KCNC4: variants seen among roughly 807,000 people sequenced by gnomAD.
The protein encoded by KCNC4 is potassium voltage-gated channel subfamily C member 4.
Under a neutral mutation model 42.8 loss-of-function variants are expected in KCNC4, and 23 were observed. The ratio of observed to expected loss-of-function variants is 0.54; its 90% CI spans 0.39 to 0.76. The LOEUF (loss-of-function observed/expected upper bound fraction) is 0.76, where lower values mean the gene tolerates loss of function less well. Among genes scored for constraint, KCNC4 ranks in the 30% least tolerant of loss-of-function variants. The probability of loss-of-function intolerance (pLI) is 0.00; values close to 1 mark genes in which losing one functional copy is unlikely to be tolerated. For synonymous variants in KCNC4, 422 were observed against 393.5 expected (o/e 1.07, Z -0.86); for missense variants, 751 against 898.2 (o/e 0.84, Z 2.10).
At chr1:110,275,734 G>A (rs1443739352) in intron 1 of KCNC4, among the ~76,000 whole-genome samples, 10 of 151,936 alleles carry the variant, frequency 6.6e-5, no homozygotes, top group Admixed American at 6.6e-4. Flanking sequence ...CGAGGCGGGT[G>A]GATCATGAGG....
chr1:110,229,617 G>A (rs929879596), intron 3 of KCNC4, among the ~76,000 whole-genome samples: 7 of 152,174 alleles, frequency 4.6e-5, no homozygotes, highest in African/African-American at 1.4e-4. Flanking sequence ...CAGAACCGGA[G>A]ACTCATCTAA....
chr1:110,220,039 A>G (rs1451950277), intron 1 of KCNC4: 2 of 152,218 alleles, frequency 1.3e-5, no homozygotes, highest in African/African-American at 2.4e-5. Flanking sequence ...CAAGGTTTCA[A>G]CAAAGGAGGA....
At chr1:110,270,176 C>T (rs1182790355) in intron 1 of KCNC4, among the ~76,000 whole-genome samples, 4 of 152,198 alleles carry the variant, frequency 2.6e-5, no homozygotes, top group African/African-American at 7.2e-5. Context: ...TCCTGATCTA[C>T]CTCTGTCCTC....
At position 110,223,347 on chromosome 1, in the gene KCNC4, C is replaced by A. The variant is rs968554569; in HGVS notation, c.1062C>A (p.Ile354=). ...GFLRVVRFVR[I]LRIFKLTRHF... ...TGCGCGTGGTGCGCTTCGTGCGCAT[C>A]CTGCGTATCTTCAAGCTCACACGCC... Residue 354 remains isoleucine (I), a synonymous_variant, in exon 2 of 4, where the codon ATC becomes ATA. Coordinates refer to ENST00000438661, the MANE Select transcript of KCNC4 (RefSeq NM_001039574.3). The surrounding 1 kb of genome is among the most constrained non-coding windows in gnomAD (Gnocchi z 7.5). The A allele has an allele frequency of 3.7e-6, 6 of 1,613,842 alleles. No individual in the cohort carries two copies. The Admixed American group carries it at 6.7e-5, about 18-fold the overall frequency.
chr1:110,231,821 A>C (rs1658708530), intron 3 of KCNC4, among the ~76,000 whole-genome samples: 1 of 143,832 alleles, frequency 7.0e-6, no homozygotes, highest in Admixed American at 7.1e-5. Context: ...TGGCTGGGGC[A>C]TACAGTCTTA....
At chr1:110,266,094 A>G (rs1194623447) in intron 1 of KCNC4, among the ~76,000 whole-genome samples, 4 of 149,874 alleles carry the variant, frequency 2.7e-5, no homozygotes, top group Non-Finnish European at 5.9e-5. Flanking sequence ...AGATGCAGGC[A>G]TTCTTCTGCT....
intron 1 of KCNC4, among the ~76,000 whole-genome samples, chr1:110,279,153 C>T (rs1659778735): frequency 6.6e-6 from 1 of 152,180 alleles, no homozygotes; most frequent in Non-Finnish European, 1.5e-5. Context: ...TGTGCCACTT[C>T]TCTTTCCTGC....
At position 110,233,213 on chromosome 1, in the gene KCNC4, T is replaced by C; in HGVS notation, c.*241T>C. ...ATAGTATCTATATTCATACATATTA[T>C]ACTCTTGTGTGTAGTGCACGTGCTA... On this transcript the variant is annotated 3_prime_UTR_variant, in exon 4 of 4. Coordinates refer to ENST00000438661, the MANE Select transcript of KCNC4 (RefSeq NM_001039574.3). 5.0e-6 allele frequency: 3 copies of C among 600,046 alleles called. No homozygotes were observed. Among genetic ancestry groups the C allele is most frequent in the Non-Finnish European group, 5.9e-6 (2 of 338,608 alleles). The allele number at this position is 600,046 out of a possible 1,614,324, so 37.2% of individuals were successfully genotyped here. A position where few individuals can be genotyped will look rare whatever the true frequency, so the allele number is the denominator to read the frequency against.
chr1:110,281,318 G>T lies in KCNC4; in HGVS notation n.31-1216G>T, dbSNP rs546467069. 5.3e-5 allele frequency among the ~76,000 whole-genome samples: 8 copies of T among 152,198 alleles called. No individual in the cohort carries two copies. In the South Asian group the frequency reaches 1.7e-3, roughly 32 times the overall value. ...AAGCAGAATTCACCCAGGAAATGAT[G>T]TGGGGCCACCCTACACCTGTTTCCA... On this transcript the variant is annotated intron_variant and non_coding_transcript_variant, in intron 1 of 2. Transcript: ENST00000412512.
chr1:110,220,186 G>A (rs1173223395), intron 1 of KCNC4: 1 of 152,220 alleles, frequency 6.6e-6, no homozygotes, highest in Non-Finnish European at 1.5e-5. Context: ...TTAAAAAATG[G>A]GCACACATGA....
At chr1:110,281,501 G>C (rs190736338) in intron 1 of KCNC4, among the ~76,000 whole-genome samples, 2 of 151,700 alleles carry the variant, frequency 1.3e-5, no homozygotes, top group East Asian at 3.9e-4. Context: ...CGGGAAGGGG[G>C]AAGGGGAATT....
At chr1:110,270,506 C>G (rs1267293233) in intron 1 of KCNC4, among the ~76,000 whole-genome samples, 1 of 152,188 alleles carries the variant, frequency 6.6e-6, no homozygotes, top group East Asian at 1.9e-4. Context: ...ACCCTGTCCA[C>G]ATAGGCACTG....
chr1:110,277,899 C>T (rs1659752488), intron 1 of KCNC4, among the ~76,000 whole-genome samples: 1 of 152,208 alleles, frequency 6.6e-6, no homozygotes, highest in Admixed American at 6.5e-5. Flanking sequence ...TGCCTGTAAT[C>T]CCAGCACCTT....
intron 1 of KCNC4, among the ~76,000 whole-genome samples, chr1:110,275,306 A>G (rs1458722996): frequency 6.6e-6 from 1 of 152,240 alleles, no homozygotes; most frequent in African/African-American, 2.4e-5. Flanking sequence ...CAAAACCACA[A>G]TGAAGTATCA....
At chr1:110,217,630 C>T (rs1657869759) in intron 1 of KCNC4, among the ~76,000 whole-genome samples, 1 of 152,174 alleles carries the variant, frequency 6.6e-6, no homozygotes, top group African/African-American at 2.4e-5. Context: ...AACCCAGAGG[C>T]CCTGAGAGGC....
rs757615011 is a variant in KCNC4 at position 110,226,094 on chromosome 1, A to G, written c.1735A>G (p.Thr579Ala). 6 of 1,613,582 alleles carry G rather than the reference A, an allele frequency of 3.7e-6. No homozygotes were observed. Among genetic ancestry groups the G allele is most frequent in the Non-Finnish European group, 5.1e-6 (6 of 1,179,832 alleles). ...GCGCCGGGCCCTGCGACGCTCCACC[A>G]CTCGAGACAGAAACAAGAAGGCAGC... is the stretch of plus-strand genomic sequence containing the variant. ...EERRALRRST[T>A]RDRNKKAAAC... Residue 579 changes from threonine (T) to alanine (A), a missense_variant, in exon 3 of 4, where the codon ACT becomes GCT. Thr to Ala is a moderately conservative substitution (Grantham distance 58). Transcript: ENST00000438661.
At chr1:110,219,201 C>G (rs183491757) in intron 1 of KCNC4, among the ~76,000 whole-genome samples, 1 of 152,308 alleles carries the variant, frequency 6.6e-6, no homozygotes, top group African/African-American at 2.4e-5. Flanking sequence ...TTCTAAAAAG[C>G]AAAGATTCTG....
chr1:110,278,277 C>T (rs1414431192), intron 1 of KCNC4, among the ~76,000 whole-genome samples: 1 of 152,140 alleles, frequency 6.6e-6, no homozygotes, highest in Admixed American at 6.5e-5. Context: ...CCTTTCTGGA[C>T]CTCAGTTTCT....
At chr1:110,228,304 T>TA (rs1258280863) in intron 3 of KCNC4, among the ~76,000 whole-genome samples, 1 of 152,078 alleles carries the variant, frequency 6.6e-6, no homozygotes, top group Non-Finnish European at 1.5e-5. Flanking sequence ...CTAGCTGGGC[T>TA]ATCAAGGAGC....
Sources: allele counts gnomAD v4.1 joint callset (sites outside exome capture counted in the v4.1 genomes callset), GRCh38; gene constraint gnomAD v4.1.1; non-coding constraint Gnocchi (gnomAD v3.1); transcripts MANE v1.5; gene names NCBI Gene and HGNC (gene_info 2026-07-23, HGNC 2026-07-21).